MITF: variants seen among roughly 807,000 people sequenced by gnomAD.
MITF encodes melanocyte inducing transcription factor, also known as microphthalmia-associated transcription factor.
Under a neutral mutation model 60.5 loss-of-function variants are expected in MITF, and 17 were observed. The observed-to-expected ratio is 0.28, with a 90% CI of 0.19 to 0.42. The LOEUF (loss-of-function observed/expected upper bound fraction) is 0.42, where lower values mean the gene tolerates loss of function less well. Ranked by LOEUF, MITF falls within the 10% of genes least tolerant of loss-of-function variation. MITF has a pLI of 1.00. For synonymous variants in MITF, 260 were observed against 248.5 expected, an observed-to-expected ratio of 1.05 and a Z score of -0.43; for missense variants, 622 against 683.5, an observed-to-expected ratio of 0.91 and a Z score of 1.00.
chr3:69,832,963 G>A (rs531420686), intron 1 of MITF, among the ~76,000 whole-genome samples: 21 of 151,036 alleles, frequency 1.4e-4, no homozygotes, highest in African/African-American at 4.6e-4. Flanking sequence ...TTCTCTGTTT[G>A]CACTGTATGT....
chr3:69,791,354 C>CGTGGTG (rs772016771), intron 1 of MITF, among the ~76,000 whole-genome samples: 2 of 151,934 alleles, frequency 1.3e-5, no homozygotes, highest in Non-Finnish European at 2.9e-5. Context: ...TTCTTAACAG[C>CGTGGTG]GTGGTGGTGG....
intron 1 of MITF, among the ~76,000 whole-genome samples, chr3:69,786,438 A>C (rs2062650664): frequency 6.6e-6 from 1 of 152,182 alleles, no homozygotes; most frequent in African/African-American, 2.4e-5. Flanking sequence ...CATAATGTTC[A>C]TATCAAATAT....
At chr3:69,930,130 T>C (rs1293028824) in intron 2 of MITF, among the ~76,000 whole-genome samples, 1 of 151,874 alleles carries the variant, frequency 6.6e-6, no homozygotes, top group Admixed American at 6.6e-5. Flanking sequence ...AGCTTGAGAG[T>C]CTGCAGTCCT....
intron 4 of MITF, 27 bp downstream of exon 4, chr3:69,939,208 A>G (rs2065912900): frequency 6.3e-7 from 1 of 1,592,538 alleles, no homozygotes; most frequent in African/African-American, 1.3e-5. Context: ...CAGCCTGAGG[A>G]TGAACACTTT....
chr3:69,829,417 C>T (rs2063409750), intron 1 of MITF, among the ~76,000 whole-genome samples: 1 of 152,054 alleles, frequency 6.6e-6, no homozygotes, highest in African/African-American at 2.4e-5. Flanking sequence ...TAAGCCATAT[C>T]CCCTTAACTT....
chr3:69,800,224 G>A lies in MITF; in HGVS notation c.104+60523G>A, dbSNP rs149555465. ...TACATTATGTGGCCTTTCATGTCTAGCTTCTTTCACTTAGCATATTTTCAA... is the reference window on the plus strand; with the variant it reads ...TACATTATGTGGCCTTTCATGTCTAACTTCTTTCACTTAGCATATTTTCAA... On this transcript the variant is annotated intron_variant, in intron 1 of 9. Transcript: ENST00000352241. Among the ~76,000 whole-genome samples, 502 of 152,186 alleles carry A rather than the reference G, an allele frequency of 3.3e-3. 5 individuals carry two copies. Among genetic ancestry groups the A allele is most frequent in the African/African-American group, 0.012 (494 of 41,544 alleles).
intron 1 of MITF, among the ~76,000 whole-genome samples, chr3:69,833,409 G>C (rs1048555942): frequency 9.4e-6 from 1 of 106,398 alleles, no homozygotes; most frequent in Non-Finnish European, 2.0e-5. Context: ...TGTATGTGGT[G>C]GTTTCCCCGT....
chr3:69,962,233 C>T (rs1040887869), intron 9 of MITF, among the ~76,000 whole-genome samples: 15 of 152,130 alleles, frequency 9.9e-5, no homozygotes, highest in Admixed American at 7.2e-4. Context: ...CAGTATGGGC[C>T]TAAGGGCTTT....
chr3:69,958,205 C>G (rs1168310164), intron 8 of MITF, among the ~76,000 whole-genome samples: 12 of 152,218 alleles, frequency 7.9e-5, no homozygotes, highest in Non-Finnish European at 4.4e-5. Flanking sequence ...GATTTCTCTT[C>G]TTGCTGGCCT....
chr3:69,752,583 A>G (rs967982442), intron 1 of MITF, among the ~76,000 whole-genome samples: 1 of 152,210 alleles, frequency 6.6e-6, no homozygotes, highest in Admixed American at 6.5e-5. Flanking sequence ...AGAAATTTCT[A>G]AGCAGCAAAG....
At position 69,963,970 on chromosome 3, in the gene MITF, C is replaced by CTTTTTTTTTTTTTTTTT. The variant is rs56921812; in HGVS notation, c.1180-870_1180-854dup. On this transcript the variant is annotated intron_variant, in intron 9 of 9. Transcript: ENST00000352241. ...ACTGAATATGTTTCTTTTTTCTTTT[C>CTTTTTTTTTTTTTTTTT]TTTTTTTTTTTTTTTTTTTTTTTGA... Among the ~76,000 whole-genome samples, 12 of 86,126 alleles carry CTTTTTTTTTTTTTTTTT rather than the reference C, an allele frequency of 1.4e-4. 2 individuals are homozygous for CTTTTTTTTTTTTTTTTT. Among genetic ancestry groups the CTTTTTTTTTTTTTTTTT allele is most frequent in the African/African-American group, 1.9e-4 (4 of 20,794 alleles). 56.5% of individuals were successfully genotyped at this position (86,126 alleles called of 152,430 possible). A position where few individuals can be genotyped will look rare whatever the true frequency, so the allele number is the denominator to read the frequency against.
chr3:69,805,595 CTAATATT>C (rs528279279), intron 1 of MITF, among the ~76,000 whole-genome samples: 102 of 152,230 alleles, frequency 6.7e-4, no homozygotes, highest in Non-Finnish European at 1.2e-3. Flanking sequence ...TCACAATCCT[CTAATATT>C]TAATATGTGC....
intron 1 of MITF, among the ~76,000 whole-genome samples, chr3:69,820,579 G>A (rs994532976): frequency 6.6e-6 from 1 of 152,042 alleles, no homozygotes; most frequent in Non-Finnish European, 1.5e-5. Context: ...GGACAAAAAT[G>A]TTCAGTTCTT....
intron 6 of MITF, among the ~76,000 whole-genome samples, chr3:69,950,627 G>GTATATATATATATATATATATA (rs143648888): frequency 7.2e-5 from 10 of 138,054 alleles, no homozygotes; most frequent in African/African-American, 2.7e-4. Flanking sequence ...TATATGGTGT[G>GTATATATATATATATATATATA]TATATATATA....
At chr3:69,835,805 TGG>T (rs1364021039) in intron 1 of MITF, among the ~76,000 whole-genome samples, 2 of 152,186 alleles carry the variant, frequency 1.3e-5, no homozygotes, top group African/African-American at 4.8e-5. Context: ...AATTTATTTC[TGG>T]GTTCTCTATT....
intron 1 of MITF, among the ~76,000 whole-genome samples, chr3:69,742,828 T>C (rs1463208343): frequency 6.6e-6 from 1 of 152,238 alleles, no homozygotes; most frequent in Non-Finnish European, 1.5e-5. Flanking sequence ...ATCACACTGA[T>C]AGTGTGGCCC....
rs112589699 is a variant in MITF at position 69,801,175 on chromosome 3, G to A, written c.104+61474G>A. 4.4e-3 allele frequency among the ~76,000 whole-genome samples: 662 copies of A among 151,748 alleles called. 6 individuals are homozygous for A. Among genetic ancestry groups the A allele is most frequent in the African/African-American group, 0.015 (613 of 41,370 alleles). On this transcript the variant is annotated intron_variant, in intron 1 of 9. Transcript: ENST00000352241. ...ATCCTGTAGAAAAAGCTCGGCTGAC[G>A]TTAGCCAAGCTCATTTTGTATTCCA...
intron 2 of MITF, among the ~76,000 whole-genome samples, chr3:69,934,752 A>G (rs890747171): frequency 6.6e-6 from 1 of 152,216 alleles, no homozygotes; most frequent in Admixed American, 6.5e-5. Flanking sequence ...AATTTCTCAG[A>G]AGAGAAACTT....
intron 1 of MITF, among the ~76,000 whole-genome samples, chr3:69,795,416 T>C (rs1247209330): frequency 6.6e-6 from 1 of 152,208 alleles, no homozygotes; most frequent in African/African-American, 2.4e-5. Flanking sequence ...AACAATGAAC[T>C]GTCTTACATT....
Sources: gnomAD v4.1 joint callset for allele counts (sites outside exome capture counted in the v4.1 genomes callset) on GRCh38, gnomAD v4.1.1 for gene constraint, MANE v1.5 for transcripts, NCBI Gene and HGNC (gene_info 2026-07-23, HGNC 2026-07-21) for gene names.